NBEA: variants seen among roughly 807,000 people sequenced by gnomAD.
NBEA encodes lysosomal-trafficking regulator 2.
In NBEA, 44 loss-of-function variants were observed where a neutral mutation model predicts 343.4. That is an observed-to-expected ratio of 0.13 (90% CI 0.10 to 0.16). NBEA has a LOEUF of 0.16. Ranked by LOEUF, NBEA falls within the 10% of genes least tolerant of loss-of-function variation. NBEA has a pLI of 1.00. For missense variants in NBEA, 2,555 were observed against 3,631.3 expected (o/e 0.70, Z 7.62); for synonymous variants, 1,175 against 1,238.7 (o/e 0.95, Z 1.08).
At chr13:35,130,801 T>C (rs1391119399) in intron 17 of NBEA, among the ~76,000 whole-genome samples, 2 of 152,074 alleles carry the variant, frequency 1.3e-5, no homozygotes, top group South Asian at 4.1e-4. Flanking sequence ...CAGATGACTT[T>C]CTCTGCAAAC....
In NBEA at chr13:35,205,632, A is replaced by T. The variant is rs1011224232; in HGVS notation, c.5367-3068A>T. Among the ~76,000 whole-genome samples, 8 of 152,026 alleles carry T rather than the reference A, an allele frequency of 5.3e-5. No individual in the cohort carries two copies. In the South Asian group the frequency reaches 1.0e-3, roughly 20 times the overall value. ...TAGTGCCTAAAACTACACGTATGAG[A>T]TATGACAATAGCAGAGTATATGAGG... is the stretch of plus-strand genomic sequence containing the variant. On this transcript the variant is annotated intron_variant, in intron 31 of 58. Transcript: ENST00000379939.
chr13:35,042,419 G>A (rs1278835230), intron 2 of NBEA, among the ~76,000 whole-genome samples: 2 of 151,646 alleles, frequency 1.3e-5, no homozygotes, highest in African/African-American at 2.4e-5. Context: ...ATGTACACAT[G>A]TTTTATAGAA....
intron 40 of NBEA, among the ~76,000 whole-genome samples, chr13:35,463,724 G>A (rs1257470020): frequency 6.6e-6 from 1 of 152,084 alleles, no homozygotes; most frequent in African/African-American, 2.4e-5. Flanking sequence ...CTTGGCCTAA[G>A]TAGAGGTTGG....
At chr13:35,014,008 G>A (rs184381101) in intron 1 of NBEA, among the ~76,000 whole-genome samples, 11 of 151,884 alleles carry the variant, frequency 7.2e-5, no homozygotes, top group South Asian at 2.1e-4. Flanking sequence ...TGCCTGACCC[G>A]TTTATTGTTA....
At chr13:35,512,266 A>C (rs1462095760) in intron 41 of NBEA, among the ~76,000 whole-genome samples, 1 of 152,184 alleles carries the variant, frequency 6.6e-6, no homozygotes, top group Non-Finnish European at 1.5e-5. Context: ...GGATTACCTG[A>C]TGGTTGAAGG....
intron 10 of NBEA, among the ~76,000 whole-genome samples, chr13:35,086,795 C>T (rs1021345808): frequency 5.9e-5 from 9 of 152,038 alleles, no homozygotes; most frequent in African/African-American, 2.2e-4. Flanking sequence ...TCTTTAGATC[C>T]TCACCAGCAC....
intron 41 of NBEA, among the ~76,000 whole-genome samples, chr13:35,478,793 G>T (rs2075995287): frequency 6.6e-6 from 1 of 152,228 alleles, no homozygotes; most frequent in Non-Finnish European, 1.5e-5. Flanking sequence ...CTTGCCCCAA[G>T]ACCTCGCCCC....
intron 35 of NBEA, among the ~76,000 whole-genome samples, chr13:35,302,542 C>T (rs933939043): frequency 1.3e-5 from 2 of 152,130 alleles, no homozygotes; most frequent in East Asian, 1.9e-4. Flanking sequence ...AGGTCAAGGC[C>T]TGCATAAACT....
intron 45 of NBEA, among the ~76,000 whole-genome samples, chr13:35,577,395 C>G (rs2080794177): frequency 6.6e-6 from 1 of 152,114 alleles, no homozygotes; most frequent in South Asian, 2.1e-4. Context: ...GAATATATAT[C>G]CATTACATTG....
rs75272286 is a variant in NBEA at position 35,436,603 on chromosome 13, G to C, written c.6304+4210G>C. Among the ~76,000 whole-genome samples the C allele has an allele frequency of 6.8e-3, 1,027 of 151,960 alleles. 4 individuals are homozygous for C. The highest frequency in any genetic ancestry group is 0.013 in the Admixed American group (199 of 15,254). ...CGGGCACCTGTAGTCCCAGCTACTC[G>C]GGAGGCTGAGGCAGGAGAATGGCAT... is the stretch of plus-strand genomic sequence containing the variant. On this transcript the variant is annotated intron_variant, in intron 39 of 58. Coordinates refer to ENST00000379939, the MANE Select transcript of NBEA (RefSeq NM_001385012.1).
chr13:35,261,246 C>T (rs1268597481), intron 34 of NBEA, among the ~76,000 whole-genome samples: 1 of 152,188 alleles, frequency 6.6e-6, no homozygotes, highest in African/African-American at 2.4e-5. Context: ...AGTGCCATGG[C>T]TCATGCCTAT....
intron 38 of NBEA, among the ~76,000 whole-genome samples, chr13:35,406,720 A>T (rs1372643243): frequency 6.6e-6 from 1 of 152,132 alleles, no homozygotes; most frequent in African/African-American, 2.4e-5. Flanking sequence ...CTTCCTCTTT[A>T]GTCATAGATT....
At chr13:35,515,546 A>C (rs1191121212) in intron 41 of NBEA, among the ~76,000 whole-genome samples, 1 of 152,220 alleles carries the variant, frequency 6.6e-6, no homozygotes, top group African/African-American at 2.4e-5. Context: ...AAAATTATAA[A>C]ATACCAAAAT....
intron 1 of NBEA, among the ~76,000 whole-genome samples, chr13:35,009,856 A>G (rs76326022): frequency 4.6e-5 from 7 of 152,290 alleles, no homozygotes; most frequent in South Asian, 4.1e-4. Context: ...CAGAATTTAG[A>G]TATATTTTGA....
rs530373008 is a variant in NBEA, at chr13:35,214,515, G to T, written c.5648+3336G>T. Among the ~76,000 whole-genome samples the T allele has an allele frequency of 2.6e-5, 4 of 151,414 alleles. No homozygotes were observed. In the East Asian group the frequency reaches 5.8e-4, roughly 22 times the overall value. ...ATGGTGAGTATTCTTTTTTGCATAT[G>T]CTTATGGGCCATTGAAATCCCTTGC... On this transcript the variant is annotated intron_variant, in intron 33 of 58. Transcript: ENST00000379939.
rs1035362930 is a variant in NBEA at position 35,118,165 on chromosome 13, A to G, written c.2083-63A>G. ...TTTCTTTTACAATGATTATTTTGAC[A>G]TCTTTTTTAAATTAAAATTTTAATT... On this transcript the variant is annotated intron_variant, in intron 14 of 58. Transcript: ENST00000379939. The G allele has an allele frequency of 1.0e-5, 11 of 1,080,894 alleles. No individual in the cohort carries two copies. The African/African-American group carries it at 1.6e-4, about 16-fold the overall frequency. 67.0% of individuals were successfully genotyped at this position (1,080,894 alleles called of 1,614,324 possible). A position where few individuals can be genotyped will look rare whatever the true frequency, so the allele number is the denominator to read the frequency against.
intron 38 of NBEA, among the ~76,000 whole-genome samples, chr13:35,365,780 C>T (rs192913383): frequency 6.6e-5 from 10 of 151,456 alleles, no homozygotes; most frequent in East Asian, 1.9e-4. Context: ...GAATTCTGAC[C>T]GCCTTTTTCT....
chr13:35,575,019 C>T (rs1221354117), intron 45 of NBEA, among the ~76,000 whole-genome samples: 1 of 152,070 alleles, frequency 6.6e-6, no homozygotes, highest in Non-Finnish European at 1.5e-5. Context: ...GGATTATCGG[C>T]GTGAGCCACC....
rs1304217706 is a variant in NBEA, at chr13:35,070,084, C to G, written c.1416C>G (p.Ser472=). 1 of 1,592,212 alleles carries G rather than the reference C, an allele frequency of 6.3e-7. No individual in the cohort carries two copies. The highest frequency in any genetic ancestry group is 1.1e-5 in the South Asian group (1 of 88,068). ...PKENASIFVH[S]PHALMLQDVK... ...AGAATGCATCAATTTTTGTGCATTC[C>G]CCACATGCTCTAATGCTTCAGGTGG... The change falls in exon 9 of 59, where the codon TCC becomes TCG. Residue 472 remains serine, a synonymous_variant. Coordinates refer to ENST00000379939, the MANE Select transcript of NBEA (RefSeq NM_001385012.1).
Sources: allele counts gnomAD v4.1 joint callset (sites outside exome capture counted in the v4.1 genomes callset), GRCh38; gene constraint gnomAD v4.1.1; transcripts MANE v1.5; gene names NCBI Gene and HGNC (gene_info 2026-07-23, HGNC 2026-07-21).